Variants in EYA1 observed in about 807,000 individuals in gnomAD.
EYA1 encodes the protein EYA transcriptional coactivator and phosphatase 1.
EYA1 carries 16 observed loss-of-function variants against 82.0 expected under a neutral mutation model. That is an observed-to-expected ratio of 0.20 (90% CI 0.13 to 0.30). The LOEUF (loss-of-function observed/expected upper bound fraction) is 0.30, where lower values mean the gene tolerates loss of function less well. Among genes scored for constraint, EYA1 ranks in the 10% least tolerant of loss-of-function variants. The pLI is 1.00. For missense variants in EYA1, 633 were observed against 730.7 expected (o/e 0.87, Z 1.54); for synonymous variants, 261 against 264.4 (o/e 0.99, Z 0.12).
chr8:71,516,822 C>G (rs1180098670), intron 2 of EYA1, among the ~76,000 whole-genome samples: 1 of 152,096 alleles, frequency 6.6e-6, no homozygotes, highest in Non-Finnish European at 1.5e-5. Context: ...CTTCCCTACT[C>G]AGTCAAACTT....
At chr8:71,509,032 G>C (rs1812403835) in intron 2 of EYA1, among the ~76,000 whole-genome samples, 1 of 152,018 alleles carries the variant, frequency 6.6e-6, no homozygotes, top group Non-Finnish European at 1.5e-5. Flanking sequence ...GACCAGCCTG[G>C]ACAGCACAGA....
intron 11 of EYA1, among the ~76,000 whole-genome samples, chr8:71,256,109 G>A (rs142309643): frequency 2.6e-5 from 4 of 152,232 alleles, no homozygotes; most frequent in Admixed American, 6.5e-5. Context: ...CACAGCTGGT[G>A]GGAACATAAA....
At chr8:71,381,224 T>A (rs1828683899) in intron 2 of EYA1, among the ~76,000 whole-genome samples, 1 of 152,356 alleles carries the variant, frequency 6.6e-6, no homozygotes, top group East Asian at 1.9e-4. Flanking sequence ...CTCAAGCACC[T>A]TTACTTATGT....
chr8:71,361,060 ATGTT>A (rs1264903781), intron 1 of EYA1, among the ~76,000 whole-genome samples: 2 of 152,192 alleles, frequency 1.3e-5, no homozygotes, highest in Non-Finnish European at 2.9e-5. Context: ...AATTGGGTAA[ATGTT>A]TGTTATATCA....
intron 2 of EYA1, among the ~76,000 whole-genome samples, chr8:71,400,589 C>A (rs1045653423): frequency 6.6e-6 from 1 of 152,170 alleles, no homozygotes; most frequent in Non-Finnish European, 1.5e-5. Context: ...CAGTGAGATG[C>A]CATTTCGCAT....
chr8:71,486,578 G>T (rs764693804), intron 2 of EYA1, among the ~76,000 whole-genome samples: 1 of 152,152 alleles, frequency 6.6e-6, no homozygotes, highest in Non-Finnish European at 1.5e-5. Flanking sequence ...TTCTCCCTGG[G>T]GATCCTCCGA....
chr8:71,299,535 G>T, intron 8 of EYA1, 103 bp downstream of exon 8: 1 of 800,466 alleles, frequency 1.2e-6, no homozygotes, highest in Non-Finnish European at 2.2e-6. Context: ...ACTACTAAAA[G>T]CCTTAGGAAA....
At chr8:71,252,355 T>G (rs1325304585) in intron 11 of EYA1, among the ~76,000 whole-genome samples, 2 of 151,968 alleles carry the variant, frequency 1.3e-5, no homozygotes, top group African/African-American at 2.4e-5. Context: ...GTAAAGGTAT[T>G]CCTTTACAAC....
At chr8:71,440,063 C>A (rs73296370) in intron 2 of EYA1, among the ~76,000 whole-genome samples, 1 of 152,116 alleles carries the variant, frequency 6.6e-6, no homozygotes, top group South Asian at 2.1e-4. Flanking sequence ...GGGACTTTGA[C>A]GTGCTAGTGG....
At chr8:71,287,133 A>G (rs559377525) in intron 9 of EYA1, among the ~76,000 whole-genome samples, 1 of 152,228 alleles carries the variant, frequency 6.6e-6, no homozygotes, top group Admixed American at 6.5e-5. Flanking sequence ...CATAAAAGAA[A>G]AAAAAGGACC....
intron 2 of EYA1, among the ~76,000 whole-genome samples, chr8:71,406,344 A>G (rs998542290): frequency 1.3e-5 from 2 of 152,242 alleles, no homozygotes; most frequent in African/African-American, 4.8e-5. Flanking sequence ...ATTTGATGAC[A>G]TAAAGAAATT....
intron 2 of EYA1, among the ~76,000 whole-genome samples, chr8:71,495,083 TA>T (rs528660029): frequency 4.0e-5 from 6 of 150,674 alleles, no homozygotes; most frequent in Admixed American, 3.3e-4. Flanking sequence ...ATTTATACTT[TA>T]AAAAAAAAGA....
At chr8:71,321,353 C>T (rs1396868331) in intron 6 of EYA1, among the ~76,000 whole-genome samples, 1 of 152,170 alleles carries the variant, frequency 6.6e-6, no homozygotes, top group Non-Finnish European at 1.5e-5. Flanking sequence ...CTAATCACAG[C>T]TAGGCATCTG....
At chr8:71,455,282 A>C (rs994955694) in intron 2 of EYA1, among the ~76,000 whole-genome samples, 3 of 152,168 alleles carry the variant, frequency 2.0e-5, no homozygotes, top group Non-Finnish European at 2.9e-5. Context: ...CCAACCAAAA[A>C]AAAAGTCCAG....
intron 2 of EYA1, among the ~76,000 whole-genome samples, chr8:71,512,359 A>G (rs1812666266): frequency 6.6e-6 from 1 of 152,154 alleles, no homozygotes; most frequent in Admixed American, 6.6e-5. Context: ...TTTTTAAAAA[A>G]AAGTTTTAAA....
chr8:71,325,089 T>C (rs1823004101), intron 4 of EYA1, among the ~76,000 whole-genome samples: 1 of 152,180 alleles, frequency 6.6e-6, no homozygotes, highest in Admixed American at 6.5e-5. Context: ...AAATTCCAAA[T>C]TCCTTGGCAC....
rs983644858 is a variant in EYA1, at chr8:71,354,768, A to G, written c.124+14T>C. 4.3e-6 allele frequency: 7 copies of G among 1,611,832 alleles called. No homozygotes were observed. Among genetic ancestry groups the G allele is most frequent in the African/African-American group, 4.0e-5 (3 of 74,862 alleles). On this transcript the variant is annotated intron_variant, in intron 3 of 17. Transcript: ENST00000340726. ...ACAAGGTGCAAAGTAAATAGTGAGAAGGCAGACACTCACCTTCGGTGCCAT... is the reference window on the plus strand; with the variant it reads ...ACAAGGTGCAAAGTAAATAGTGAGAGGGCAGACACTCACCTTCGGTGCCAT...
At chr8:71,523,915 T>A (rs564268176) in intron 2 of EYA1, among the ~76,000 whole-genome samples, 82 of 152,304 alleles carry the variant, frequency 5.4e-4, no homozygotes, top group Non-Finnish European at 9.3e-4. Context: ...ATGAAATTGA[T>A]GAAGTTAAAA....
intron 11 of EYA1, among the ~76,000 whole-genome samples, chr8:71,246,524 C>T (rs141772673): frequency 6.1e-4 from 93 of 152,306 alleles, no homozygotes; most frequent in African/African-American, 2.1e-3. Flanking sequence ...CCGTGTGTTA[C>T]CCCTACTCTT....
Sources: allele counts gnomAD v4.1 joint callset (sites outside exome capture counted in the v4.1 genomes callset), GRCh38; gene constraint gnomAD v4.1.1; transcripts MANE v1.5; gene names NCBI Gene and HGNC (gene_info 2026-07-23, HGNC 2026-07-21).